Variants in ST18 observed in about 807,000 individuals in gnomAD.
ST18 encodes ST18 C2H2C-type zinc finger transcription factor, also known as suppression of tumorigenicity 18 protein.
Under a neutral mutation model 110.0 loss-of-function variants are expected in ST18, and 50 were observed. That is an observed-to-expected ratio of 0.45 (90% CI 0.36 to 0.58). The LOEUF is 0.58. Ranked by LOEUF, ST18 falls within the 20% of genes least tolerant of loss-of-function variation. The probability of loss-of-function intolerance (pLI) is 0.00; values close to 1 mark genes in which losing one functional copy is unlikely to be tolerated. For missense variants in ST18, 1,306 were observed against 1,280.1 expected (o/e 1.02, Z -0.31); for synonymous variants, 461 against 452.4 (o/e 1.02, Z -0.24).
intron 2 of ST18, among the ~76,000 whole-genome samples, chr8:52,379,421 G>A (rs893763565): frequency 6.6e-6 from 1 of 151,800 alleles, no homozygotes; most frequent in South Asian, 2.1e-4. Flanking sequence ...TCTAAGACTC[G>A]CATCCAAGCT....
rs551434135 is a variant in ST18 at position 52,244,303 on chromosome 8, T to C, written c.-464-14226A>G. ...AATCTAAGGCTGGAAGGGTCTTCAA[T>C]TGAATGTGAGTATTTCAGAAAAATA... is the stretch of plus-strand genomic sequence containing the variant. On this transcript the variant is annotated intron_variant, in intron 2 of 25. Transcript: ENST00000689386. Among the ~76,000 whole-genome samples the C allele has an allele frequency of 7.3e-4, 111 of 152,340 alleles. 1 individual carries two copies. Among genetic ancestry groups the C allele is most frequent in the Non-Finnish European group, 1.4e-3 (94 of 68,032 alleles).
At chr8:52,159,421 T>C (rs888776032) in intron 14 of ST18, among the ~76,000 whole-genome samples, 7 of 152,002 alleles carry the variant, frequency 4.6e-5, no homozygotes, top group African/African-American at 1.4e-4. Context: ...TGGCAAAAAT[T>C]GTAGATAAAA....
intron 2 of ST18, among the ~76,000 whole-genome samples, chr8:52,368,767 C>T (rs1829153201): frequency 6.6e-6 from 1 of 152,154 alleles, no homozygotes; most frequent in Non-Finnish European, 1.5e-5. Context: ...TGGGCAACAA[C>T]TGTAACAGGA....
At position 52,133,296 on chromosome 8, in the gene ST18, G is replaced by A. The variant is rs768462326; in HGVS notation, c.2306C>T (p.Pro769Leu). The A allele has an allele frequency of 3.7e-6, 6 of 1,614,014 alleles. No homozygotes were observed. ...MAANSQELKC[P>L]TPGCDGSGHV... ...CCCCGAGCCATCGCAGCCTGGGGTT[G>A]GACACCTGGAAGGCACAGGAAGAGA... The change falls in exon 20 of 26, where the codon CCA becomes CTA. Residue 769 changes from proline to leucine, a missense_variant. Transcript: ENST00000689386.
chr8:52,288,527 C>T (rs1419137133), intron 2 of ST18, among the ~76,000 whole-genome samples: 1 of 151,712 alleles, frequency 6.6e-6, no homozygotes, highest in Non-Finnish European at 1.5e-5. Context: ...GGGTGAAATC[C>T]CATCTCTACT....
At chr8:52,206,606 C>T (rs2080174685) in intron 8 of ST18, 1 of 152,252 alleles carries the variant, frequency 6.6e-6, no homozygotes, top group African/African-American at 2.4e-5. Flanking sequence ...CTCTGCCACA[C>T]CCTGGAGGGA....
chr8:52,167,497 C>A (rs1201993047), intron 10 of ST18, among the ~76,000 whole-genome samples: 1 of 152,244 alleles, frequency 6.6e-6, no homozygotes, highest in African/African-American at 2.4e-5. Flanking sequence ...CCCTGCAGAG[C>A]AGCTGGCGGA....
At chr8:52,311,815 G>T (rs943291857) in intron 2 of ST18, among the ~76,000 whole-genome samples, 1 of 152,114 alleles carries the variant, frequency 6.6e-6, no homozygotes. Context: ...TTCCTCCCTC[G>T]ACATGTGGGG....
intron 2 of ST18, among the ~76,000 whole-genome samples, chr8:52,287,264 G>A (rs192451959): frequency 4.6e-5 from 7 of 152,188 alleles, no homozygotes; most frequent in East Asian, 1.9e-4. Flanking sequence ...TTTTGCAAGC[G>A]TTGCTGAACA....
intron 2 of ST18, among the ~76,000 whole-genome samples, chr8:52,381,855 T>A (rs1235965029): frequency 6.6e-6 from 1 of 151,820 alleles, no homozygotes; most frequent in Non-Finnish European, 1.5e-5. Flanking sequence ...TGAAGCACAT[T>A]ACAAACAATG....
chr8:52,326,173 C>CA (rs888142649), intron 2 of ST18, among the ~76,000 whole-genome samples: 3 of 152,024 alleles, frequency 2.0e-5, no homozygotes, highest in South Asian at 4.1e-4. Flanking sequence ...AGTATAAATT[C>CA]AAAAAAATGA....
chr8:52,137,018 T>C (rs369664778), intron 18 of ST18, among the ~76,000 whole-genome samples: 2 of 152,254 alleles, frequency 1.3e-5, no homozygotes, highest in South Asian at 2.1e-4. Context: ...AGATGGTGAG[T>C]AGAAAGATTA....
intron 14 of ST18, among the ~76,000 whole-genome samples, chr8:52,159,717 G>A (rs1453819065): frequency 2.6e-5 from 4 of 152,138 alleles, no homozygotes; most frequent in South Asian, 4.1e-4. Context: ...GGCATATTTA[G>A]GGAGAGAGAG....
rs1297150514 is a variant in ST18 at position 52,126,068 on chromosome 8, C to A, written c.2739G>T (p.Lys913Asn). 2 of 1,614,056 alleles carry A rather than the reference C, an allele frequency of 1.2e-6. No homozygotes were observed. The highest frequency in any genetic ancestry group is 1.7e-6 in the Non-Finnish European group (2 of 1,179,984). Residue 913 changes from lysine (K) to asparagine (N), a missense_variant, in exon 23 of 26, where the codon AAG becomes AAT. Lys to Asn is a moderately conservative substitution (Grantham distance 94). Coordinates refer to ENST00000689386, the MANE Select transcript of ST18 (RefSeq NM_001352837.2). Reference protein sequence around the residue: ...GKVSEELMTIKLKATGGIESD... With the variant: ...GKVSEELMTINLKATGGIESD... ...TGCTCTTACCCCCAGTTGCTTTGAG[C>A]TTGATGGTCATGAGTTCTTCAGAAA... is the stretch of plus-strand genomic sequence containing the variant.
At chr8:52,397,475 AT>A (rs1841533598) in intron 2 of ST18, among the ~76,000 whole-genome samples, 1 of 152,086 alleles carries the variant, frequency 6.6e-6, no homozygotes, top group Middle Eastern at 3.4e-3. Flanking sequence ...CTATTTATTT[AT>A]TTTTGCTTTT....
At chr8:52,231,046 T>G (rs1222255505) in intron 2 of ST18, among the ~76,000 whole-genome samples, 1 of 152,202 alleles carries the variant, frequency 6.6e-6, no homozygotes, top group Non-Finnish European at 1.5e-5. Flanking sequence ...ACATGAAAAG[T>G]GAATTAGAAA....
In ST18 at chr8:52,113,090, T is replaced by G. The variant is rs1038533571; in HGVS notation, c.*108A>C. 7 of 1,308,894 alleles carry G rather than the reference T, an allele frequency of 5.3e-6. No individual in the cohort carries two copies. Among genetic ancestry groups the G allele is most frequent in the Non-Finnish European group, 7.1e-6 (7 of 991,516 alleles). 81.1% of individuals were successfully genotyped at this position (1,308,894 alleles called of 1,614,324 possible). A position where few individuals can be genotyped will look rare whatever the true frequency, so the allele number is the denominator to read the frequency against. ...AAAATTAGTGCAATGTTGCAAATTG[T>G]AAATGCAGTACGGCAACCTCCACGC... On this transcript the variant is annotated 3_prime_UTR_variant, in exon 26 of 26. Coordinates refer to ENST00000689386, the MANE Select transcript of ST18 (RefSeq NM_001352837.2).
chr8:52,273,906 C>A (rs2095155594), intron 2 of ST18, among the ~76,000 whole-genome samples: 2 of 152,182 alleles, frequency 1.3e-5, no homozygotes, highest in South Asian at 2.1e-4. Flanking sequence ...TCATTAAAAT[C>A]TTAATTACAA....
At chr8:52,162,047 C>T (rs1364813387) in intron 13 of ST18, among the ~76,000 whole-genome samples, 4 of 152,120 alleles carry the variant, frequency 2.6e-5, no homozygotes, top group African/African-American at 4.8e-5. Flanking sequence ...CCTGTCTCTA[C>T]TAAAAATACC....
Sources: allele counts gnomAD v4.1 joint callset (sites outside exome capture counted in the v4.1 genomes callset), GRCh38; gene constraint gnomAD v4.1.1; transcripts MANE v1.5; gene names NCBI Gene and HGNC (gene_info 2026-07-23, HGNC 2026-07-21).